PIWIL3: variants seen among roughly 807,000 people sequenced by gnomAD.
The protein encoded by PIWIL3 is piwi like RNA-mediated gene silencing 3, also known as piwi-like protein 3.
In PIWIL3, 101 loss-of-function variants were observed where a neutral mutation model predicts 109.7. The observed-to-expected ratio is 0.92, with a 90% CI of 0.78 to 1.09. The LOEUF is 1.09. Ranked by LOEUF, PIWIL3 falls within the 50% of genes least tolerant of loss-of-function variation. PIWIL3 has a pLI of 0.00. For missense variants in PIWIL3, 1,031 were observed against 1,072.6 expected (o/e 0.96, Z 0.54); for synonymous variants, 373 against 376.4 (o/e 0.99, Z 0.10).
chr22:24,772,933 G>A (rs368650770), intron 1 of PIWIL3, among the ~76,000 whole-genome samples: 33 of 152,282 alleles, frequency 2.2e-4, no homozygotes, highest in African/African-American at 5.5e-4. Context: ...AGCTGAGGGC[G>A]TCCTTCTCCC....
At chr22:24,771,772 C>T (rs7289311) in intron 1 of PIWIL3, among the ~76,000 whole-genome samples, 65,911 of 151,168 alleles carry the variant, frequency 0.44, 14,622 homozygotes, top group East Asian at 0.59. Context: ...CTTGCCCTGT[C>T]GCCCAGGCTG....
chr22:24,732,023 TA>T (rs1164072742), intron 14 of PIWIL3, among the ~76,000 whole-genome samples: 1 of 152,236 alleles, frequency 6.6e-6, no homozygotes, highest in African/African-American at 2.4e-5. Flanking sequence ...AAGCTGTCTG[TA>T]CCTACCATAA....
At chr22:24,737,545 G>A (rs1336715056) in intron 12 of PIWIL3, among the ~76,000 whole-genome samples, 2 of 152,182 alleles carry the variant, frequency 1.3e-5, no homozygotes, top group African/African-American at 4.8e-5. Context: ...ACTCCTGCTT[G>A]AGAAAAGTAG....
intron 18 of PIWIL3, 132 bp downstream of exon 18, chr22:24,724,755 A>T: frequency 9.8e-7 from 1 of 1,019,266 alleles, no homozygotes; most frequent in Non-Finnish European, 1.4e-6. Flanking sequence ...CATTTTTTGT[A>T]GAGATTGGAT....
At chr22:24,750,124 C>T (rs1422870869) in intron 9 of PIWIL3, among the ~76,000 whole-genome samples, 3 of 152,162 alleles carry the variant, frequency 2.0e-5, no homozygotes, top group African/African-American at 7.2e-5. Context: ...CTGAGGTTCT[C>T]ACCACAGTCT....
At chr22:24,761,299 A>G (rs1310520012) in intron 2 of PIWIL3, among the ~76,000 whole-genome samples, 1 of 152,188 alleles carries the variant, frequency 6.6e-6, no homozygotes, top group African/African-American at 2.4e-5. Context: ...TCAAGAGGCC[A>G]TAGAGGAGAA....
At chr22:24,749,282 C>T in intron 11 of PIWIL3, 122 bp downstream of exon 11, 11 of 1,458,556 alleles carry the variant, frequency 7.5e-6, no homozygotes, top group Non-Finnish European at 1.0e-5. Context: ...CCCCCAACAT[C>T]AAAATTCTTC....
At chr22:24,738,439 G>T (rs963443487) in intron 12 of PIWIL3, among the ~76,000 whole-genome samples, 9 of 152,206 alleles carry the variant, frequency 5.9e-5, no homozygotes, top group African/African-American at 2.2e-4. Flanking sequence ...GTGGGCCTTG[G>T]GCAAGACCCA....
rs574844664 is a variant in PIWIL3 at position 24,762,429 on chromosome 22, G to C, written c.71C>G (p.Pro24Arg). Residue 24 changes from proline (P) to arginine (R), a missense_variant, in exon 2 of 21, where the codon CCT (proline) becomes CGT (arginine). Coordinates refer to ENST00000616349, the MANE Select transcript of PIWIL3 (RefSeq NM_001255975.1). ...TGATCCAGGTGCTCTGGGTCCCCCA[G>C]GTGCCTCTTGTTGGTAGCTCTCCCT... ...RRRESYQQEAPGGPRAPGSAT... is the reference protein window; with the variant it reads ...RRRESYQQEARGGPRAPGSAT... The C allele has an allele frequency of 2.9e-5, 47 of 1,614,020 alleles. No homozygotes were observed. The South Asian group carries it at 5.1e-4, about 17-fold the overall frequency.
rs1334443347 is a variant in PIWIL3 at position 24,735,855 on chromosome 22, A to G, written c.1487T>C (p.Ile496Thr). The G allele has an allele frequency of 6.2e-7, 1 of 1,610,964 alleles. No individual in the cohort carries two copies. The highest frequency in any genetic ancestry group is 2.2e-5 in the East Asian group (1 of 44,848). The change falls in exon 13 of 21, where the codon ATA (isoleucine) becomes ACA (threonine). Residue 496 changes from isoleucine to threonine, a missense_variant. Ile to Thr is a moderately conservative substitution (Grantham distance 89). Coordinates refer to ENST00000616349, the MANE Select transcript of PIWIL3 (RefSeq NM_001255975.1). ...TGCATTAAGTAAGGGTAATTCTCTT[A>G]TTTCTCTTGACCAGTCTCCTTGTGA... is the stretch of plus-strand genomic sequence containing the variant. ...ANSQGDWSREIRELPLLNAMP... is the reference protein window; with the variant it reads ...ANSQGDWSRETRELPLLNAMP...
Position 24,758,057 on chromosome 22 carries a change from C to T in PIWIL3, c.224-18G>A, listed in dbSNP as rs1925200987. ...CTTCACCCCTGCATAAATGTAAACG[C>T]CAGAAGTTTAAACAATAAAAAGGGA... On this transcript the variant is annotated intron_variant, in intron 3 of 20. Coordinates refer to ENST00000616349, the MANE Select transcript of PIWIL3 (RefSeq NM_001255975.1). The T allele has an allele frequency of 6.3e-7, 1 of 1,594,350 alleles. No homozygotes were observed. The highest frequency in any genetic ancestry group is 8.5e-7 in the Non-Finnish European group (1 of 1,174,416).
intron 6 of PIWIL3, among the ~76,000 whole-genome samples, chr22:24,755,576 G>A (rs1924976700): frequency 6.6e-6 from 1 of 152,140 alleles, no homozygotes; most frequent in East Asian, 1.9e-4. Context: ...ACGGGCATCG[G>A]CCAGGAGAAG....
In PIWIL3 at chr22:24,737,204, A is replaced by G. The variant is rs150380840; in HGVS notation, c.1450-1312T>C. On this transcript the variant is annotated intron_variant, in intron 12 of 20. Transcript: ENST00000616349. ...AGCCCTTCTTTCTGCTTCAGGAGAA[A>G]AGAAGGAAGAGTGAAGACTTTGTCT... Among the ~76,000 whole-genome samples, 33 of 152,322 alleles carry G rather than the reference A, an allele frequency of 2.2e-4. No individual in the cohort carries two copies. In the East Asian group the frequency reaches 5.2e-3, roughly 24 times the overall value.
In PIWIL3 at chr22:24,762,482, C is replaced by T; in HGVS notation, c.18G>A (p.Arg6=). 6.2e-7 allele frequency: 1 copy of T among 1,613,390 alleles called. No homozygotes were observed. Among genetic ancestry groups the T allele is most frequent in the Non-Finnish European group, 8.5e-7 (1 of 1,179,784 alleles). MPGRA[R]TRARGRARRR... ...GGCGGGCTCTGCCTCGGGCGCGAGT[C>T]CTTGCCCTACCAGGCATTGTGGTCC... Residue 6 remains arginine, a synonymous_variant, in exon 2 of 21, where the codon AGG becomes AGA. Coordinates refer to ENST00000616349, the MANE Select transcript of PIWIL3 (RefSeq NM_001255975.1).
chr22:24,744,584 C>CA (rs796282086), intron 12 of PIWIL3, among the ~76,000 whole-genome samples: 29 of 150,914 alleles, frequency 1.9e-4, no homozygotes, highest in South Asian at 1.9e-3. Flanking sequence ...AAAACAAAAA[C>CA]AAAAAAAACA....
chr22:24,767,505 C>T (rs9612760), intron 1 of PIWIL3, among the ~76,000 whole-genome samples: 47,814 of 150,448 alleles, frequency 0.32, 7,977 homozygotes, highest in East Asian at 0.55. Flanking sequence ...GAGCTGAGAT[C>T]GAGCCATTGC....
Position 24,749,777 on chromosome 22 carries a change from C to G in PIWIL3, c.1132G>C (p.Val378Leu). The G allele has an allele frequency of 6.2e-7, 1 of 1,613,790 alleles. No individual in the cohort carries two copies. Among genetic ancestry groups the G allele is most frequent in the Non-Finnish European group, 8.5e-7 (1 of 1,179,956 alleles). The change falls in exon 10 of 21, where the codon GTC becomes CTC. Residue 378 changes from valine to leucine, a missense_variant. Coordinates refer to ENST00000616349, the MANE Select transcript of PIWIL3 (RefSeq NM_001255975.1). ...CCCTTTTTCCATCTGCCCTGGCTGACCAAAAGTGGCTGTTTCTTCACTGTG... is the reference window on the plus strand; with the variant it reads ...CCCTTTTTCCATCTGCCCTGGCTGAGCAAAAGTGGCTGTTTCTTCACTGTG... Reference protein sequence around the residue: ...IVTVKKQPLLVSQGRWKKGLT... With the variant: ...IVTVKKQPLLLSQGRWKKGLT...
At chr22:24,764,860 C>A (rs551420077) in intron 1 of PIWIL3, among the ~76,000 whole-genome samples, 10 of 152,228 alleles carry the variant, frequency 6.6e-5, no homozygotes, top group African/African-American at 2.4e-4. Context: ...GAAGTTTTAG[C>A]CAGTCTCAAG....
chr22:24,744,177 T>TAAAAA (rs751591202), intron 12 of PIWIL3, among the ~76,000 whole-genome samples: 1 of 35,842 alleles, frequency 2.8e-5, no homozygotes, highest in Non-Finnish European at 5.0e-5. Context: ...AGTGACCGAA[T>TAAAAA]TAAAAAAAAA....
Sources: gnomAD v4.1 joint callset for allele counts (sites outside exome capture counted in the v4.1 genomes callset) on GRCh38, gnomAD v4.1.1 for gene constraint, MANE v1.5 for transcripts, NCBI Gene and HGNC (gene_info 2026-07-23, HGNC 2026-07-21) for gene names.